The following SIN3A variants were observed in gnomAD, a reference collection of about 807,000 sequenced individuals.
SIN3A encodes SIN3 transcription regulator family member A.
A neutral mutation model predicts 146.1 loss-of-function variants in SIN3A; 14 were observed. That is an observed-to-expected ratio of 0.10 (90% CI 0.06 to 0.15). The LOEUF (loss-of-function observed/expected upper bound fraction) is 0.15, where lower values mean the gene tolerates loss of function less well. Ranked by LOEUF, SIN3A falls within the 10% of genes least tolerant of loss-of-function variation. The probability of loss-of-function intolerance (pLI) is 1.00; values close to 1 mark genes in which losing one functional copy is unlikely to be tolerated. For missense variants in SIN3A, 1,028 were observed against 1,576.0 expected (o/e 0.65, Z 5.89); for synonymous variants, 572 against 572.0 (o/e 1.00, Z 0.00).
intron 3 of SIN3A, among the ~76,000 whole-genome samples, chr15:75,417,306 A>G (rs1052620283): frequency 6.6e-6 from 1 of 152,126 alleles, no homozygotes; most frequent in Non-Finnish European, 1.5e-5. Flanking sequence ...CTAAATATTT[A>G]AAATTATACA....
Position 75,422,830 on chromosome 15 carries a change from T to C in SIN3A, c.190-7A>G, listed in dbSNP as rs1302722161. 8 of 1,607,346 alleles carry C rather than the reference T, an allele frequency of 5.0e-6. No homozygotes were observed. Among genetic ancestry groups the C allele is most frequent in the Non-Finnish European group, 6.8e-6 (8 of 1,174,760 alleles). ...TCTGTGGCATGGCTGAAACCTGGGG[T>C]GAACAAAATACAGACAGGAAACTTC... On this transcript the variant is annotated splice_polypyrimidine_tract_variant and splice_region_variant and intron_variant, in intron 2 of 20. Transcript: ENST00000394947.
chr15:75,394,100 G>A (rs1326128572), intron 14 of SIN3A, among the ~76,000 whole-genome samples: 1 of 152,124 alleles, frequency 6.6e-6, no homozygotes, highest in Non-Finnish European at 1.5e-5. Flanking sequence ...GAGCCACTGT[G>A]CCCGGCCTGA....
At chr15:75,440,046 G>A (rs2074177503) in intron 1 of SIN3A, among the ~76,000 whole-genome samples, 5 of 151,544 alleles carry the variant, frequency 3.3e-5, no homozygotes, top group Admixed American at 3.3e-4. Flanking sequence ...AGCAACTTTG[G>A]AGGCTGAGGC....
At chr15:75,376,048 A>C in intron 19 of SIN3A, 176 bp from the exon 20 acceptor site, 2 of 633,352 alleles carry the variant, frequency 3.2e-6, no homozygotes, top group Non-Finnish European at 5.5e-6. Flanking sequence ...AAAGGTACAC[A>C]GAATAAAAAG....
At chr15:75,453,566 C>T (rs1428568513), upstream of SIN3A, 1 of 152,430 alleles carries the variant, frequency 6.6e-6, no homozygotes, top group African/African-American at 2.4e-5. Context: ...AGGGTACCAC[C>T]TGCGCTAAGA....
At chr15:75,384,804 T>A (rs1029753617) in intron 16 of SIN3A, among the ~76,000 whole-genome samples, 4 of 152,200 alleles carry the variant, frequency 2.6e-5, no homozygotes, top group Admixed American at 2.6e-4. Flanking sequence ...CTCTCATACA[T>A]ATTCTTTCTC....
rs527736889 is a variant in SIN3A at position 75,390,973 on chromosome 15, T to C, written c.2852-1152A>G. Among the ~76,000 whole-genome samples the C allele has an allele frequency of 6.6e-5, 10 of 152,332 alleles. No individual in the cohort carries two copies. In the South Asian group the frequency reaches 2.1e-3, roughly 32 times the overall value. On this transcript the variant is annotated intron_variant, in intron 15 of 20. Transcript: ENST00000394947. The stretch of plus-strand genomic sequence containing the variant: ...ATTGGTTACTTGCTAGTTGTGTTTG[T>C]GCTGGAGAAAAAAGGCTAGGAGCAA...
At chr15:75,454,616 C>G (rs1432710940), upstream of SIN3A, among the ~76,000 whole-genome samples, 1 of 151,846 alleles carries the variant, frequency 6.6e-6, no homozygotes, top group Non-Finnish European at 1.5e-5. Flanking sequence ...AGCGTGGAGA[C>G]TGTTTTCCCA....
At chr15:75,375,911 G>A (rs757004591) in intron 19 of SIN3A, 39 bp from the exon 20 acceptor site, 1 of 1,601,296 alleles carries the variant, frequency 6.2e-7, no homozygotes, top group Non-Finnish European at 8.5e-7. Context: ...AGCTCGTCCA[G>A]ATGCAGATTC....
chr15:75,395,268 A>G (rs2141435133), intron 13 of SIN3A, among the ~76,000 whole-genome samples: 1 of 152,376 alleles, frequency 6.6e-6, no homozygotes, highest in Non-Finnish European at 1.5e-5. Flanking sequence ...TCCTCTGGAT[A>G]CAGTCAGGAA....
chr15:75,439,816 T>C (rs182230632), intron 1 of SIN3A, among the ~76,000 whole-genome samples: 5 of 152,248 alleles, frequency 3.3e-5, no homozygotes, highest in Admixed American at 3.3e-4. Flanking sequence ...CTCAAAATTT[T>C]AGAGCTTTTC....
Position 75,411,648 on chromosome 15 carries a change from T to A in SIN3A, c.852A>T (p.Thr284=). Reference sequence around the variant, plus strand: ...CCGTTCCCAACGAGATTGTCACTGGTGTGTGAGGCTGGACCGGCGGAGAAC... The same window carrying A: ...CCGTTCCCAACGAGATTGTCACTGGAGTGTGAGGCTGGACCGGCGGAGAAC... ...SPRSPPVQPH[T]PVTISLGTAP... Residue 284 remains threonine (T), a synonymous_variant, in exon 6 of 21, where the codon ACA becomes ACT. Coordinates refer to ENST00000394947, the MANE Select transcript of SIN3A (RefSeq NM_001145358.2). The A allele has an allele frequency of 6.2e-7, 1 of 1,614,064 alleles. No individual in the cohort carries two copies. The highest frequency in any genetic ancestry group is 1.1e-5 in the South Asian group (1 of 91,058).
At chr15:75,413,977 G>A (rs551388698) in intron 4 of SIN3A, among the ~76,000 whole-genome samples, 31 of 152,156 alleles carry the variant, frequency 2.0e-4, no homozygotes, top group African/African-American at 7.5e-4. Context: ...CCCTGATTGA[G>A]ACAAAACACT....
chr15:75,379,025 G>A (rs1051119152), intron 19 of SIN3A, among the ~76,000 whole-genome samples: 1 of 151,676 alleles, frequency 6.6e-6, no homozygotes, highest in South Asian at 2.1e-4. Flanking sequence ...TCAGCCTCCC[G>A]AGTAGCTTGG....
intron 16 of SIN3A, among the ~76,000 whole-genome samples, chr15:75,387,839 G>C (rs1362213591): frequency 1.3e-5 from 2 of 152,062 alleles, no homozygotes; most frequent in African/African-American, 4.8e-5. Flanking sequence ...AGGAAGATTA[G>C]TCTGAAAAAG....
chr15:75,423,864 C>A (rs889244713), intron 2 of SIN3A, among the ~76,000 whole-genome samples: 5 of 152,024 alleles, frequency 3.3e-5, no homozygotes, highest in African/African-American at 1.2e-4. Context: ...GACGTGGTAA[C>A]ACGCATCTGT....
At chr15:75,412,737 T>C (rs1440590832) in intron 5 of SIN3A, 26 bp downstream of exon 5, 1 of 1,536,508 alleles carries the variant, frequency 6.5e-7, no homozygotes, top group Admixed American at 2.1e-5. Flanking sequence ...GCATTCATAT[T>C]GATGCAATAT....
chr15:75,425,003 A>G lies in SIN3A; in HGVS notation c.190-2180T>C, dbSNP rs186328069. Among the ~76,000 whole-genome samples, 386 of 152,346 alleles carry G rather than the reference A, an allele frequency of 2.5e-3. 6 individuals are homozygous for G. Among genetic ancestry groups the G allele is most frequent in the Admixed American group, 0.024 (361 of 15,304 alleles). ...TCATGTACTGTATATAAACTTTTAA[A>G]TAGTTTTTTAAAGCACATTACACTG... On this transcript the variant is annotated intron_variant, in intron 2 of 20. Transcript: ENST00000394947.
At chr15:75,454,699 C>T (rs1157997583), upstream of SIN3A, among the ~76,000 whole-genome samples, 1 of 151,794 alleles carries the variant, frequency 6.6e-6, no homozygotes, top group Non-Finnish European at 1.5e-5. Flanking sequence ...CCGCCCCCGC[C>T]CCATCCGCGC....
Sources: gnomAD v4.1 joint callset for allele counts (sites outside exome capture counted in the v4.1 genomes callset) on GRCh38, gnomAD v4.1.1 for gene constraint, MANE v1.5 for transcripts, NCBI Gene and HGNC (gene_info 2026-07-23, HGNC 2026-07-21) for gene names.